The following USP43 variants were observed in gnomAD, a reference collection of about 807,000 sequenced individuals.
USP43 encodes the protein ubiquitin carboxyl-terminal hydrolase 43.
USP43 carries 33 observed loss-of-function variants against 90.7 expected under a neutral mutation model. The observed-to-expected ratio is 0.36, with a 90% CI of 0.28 to 0.49. The LOEUF (loss-of-function observed/expected upper bound fraction) is 0.49. Among genes scored for constraint, USP43 ranks in the 20% least tolerant of loss-of-function variants. The probability of loss-of-function intolerance (pLI) is 0.98; values close to 1 mark genes in which losing one functional copy is unlikely to be tolerated. For missense variants in USP43, 1,274 were observed against 1,476.4 expected, an observed-to-expected ratio of 0.86 and a Z score of 2.25; for synonymous variants, 598 against 615.8, an observed-to-expected ratio of 0.97 and a Z score of 0.43.
At chr17:9,657,116 T>C (rs985087863) in intron 2 of USP43, among the ~76,000 whole-genome samples, 1 of 152,244 alleles carries the variant, frequency 6.6e-6, no homozygotes, top group African/African-American at 2.4e-5. Context: ...TGATGGCTTA[T>C]GCTCTAATGC....
chr17:9,661,766 AC>A (rs1055894647), intron 2 of USP43, among the ~76,000 whole-genome samples: 8 of 151,090 alleles, frequency 5.3e-5, no homozygotes, highest in African/African-American at 1.9e-4. Context: ...AGCGTGAATG[AC>A]CCCCTGCTGC....
intron 14 of USP43, among the ~76,000 whole-genome samples, chr17:9,714,054 C>T (rs907872297): frequency 3.3e-5 from 5 of 152,182 alleles, no homozygotes; most frequent in African/African-American, 9.6e-5. Flanking sequence ...ACATCCCTCA[C>T]GTGCAGAGTT....
chr17:9,711,682 C>T (rs557115994), intron 13 of USP43, among the ~76,000 whole-genome samples: 28 of 152,164 alleles, frequency 1.8e-4, no homozygotes, highest in African/African-American at 2.4e-4. Context: ...CTGCTCGCCT[C>T]GGCCTCCGTA....
Position 9,728,716 on chromosome 17 carries a change from C to T in USP43, c.3098C>T (p.Ala1033Val). 1.2e-6 allele frequency: 2 copies of T among 1,602,514 alleles called. No individual in the cohort carries two copies. The highest frequency in any genetic ancestry group is 1.7e-6 in the Non-Finnish European group (2 of 1,175,088). The change falls in exon 15 of 15, where the codon GCC becomes GTC. Residue 1033 changes from alanine (A) to valine (V), a missense_variant. By Grantham distance (64) the Ala-to-Val change is moderately conservative. Around this residue, in one of 6 missense-constraint regions of USP43, gnomAD observed 353 missense variants for 329.7 expected, o/e 1.07. Coordinates refer to ENST00000285199, the MANE Select transcript of USP43 (RefSeq NM_153210.5). This position sits in a 1 kb window ranked among gnomAD's most constrained non-coding sequence, Gnocchi z 6.2. The part of the protein sequence containing the change: ...VSLVSGGLSP[A>V]MDGQAPGSPP... ...CTGGTGAGTGGCGGGCTGAGCCCTG[C>T]CATGGACGGGCAGGCTCCAGGCTCA...
intron 14 of USP43, among the ~76,000 whole-genome samples, chr17:9,715,224 G>A (rs1395126026): frequency 6.6e-6 from 1 of 152,164 alleles, no homozygotes; most frequent in Admixed American, 6.5e-5. Flanking sequence ...ATTTTGGGAG[G>A]CCAAGGTGGG....
At chr17:9,702,413 G>A (rs1915626560) in intron 12 of USP43, among the ~76,000 whole-genome samples, 1 of 152,130 alleles carries the variant, frequency 6.6e-6, no homozygotes, top group Non-Finnish European at 1.5e-5. Context: ...TATTAAATAT[G>A]GGAGGTCATT....
In USP43 at chr17:9,645,577, C is replaced by A; in HGVS notation, c.-56C>A. On this transcript the variant is annotated 5_prime_UTR_variant, in exon 1 of 15. Transcript: ENST00000285199. The surrounding 1 kb of genome is among the most constrained non-coding windows in gnomAD (Gnocchi z 6.8). ...TAGAGAAGCTGTAGGGCCTGCTGGC[C>A]GCTCGTCCGCCTCGCGCCCGGGGGC... The A allele has an allele frequency of 8.5e-7, 1 of 1,170,532 alleles. No individual in the cohort carries two copies. Among genetic ancestry groups the A allele is most frequent in the South Asian group, 4.3e-5 (1 of 23,358 alleles). The allele number at this position is 1,170,532 out of a possible 1,614,324, so 72.5% of individuals were successfully genotyped here. A position where few individuals can be genotyped will look rare whatever the true frequency, so the allele number is the denominator to read the frequency against.
chr17:9,702,204 A>T (rs1247339290), intron 12 of USP43, among the ~76,000 whole-genome samples: 1 of 151,206 alleles, frequency 6.6e-6, no homozygotes, highest in Non-Finnish European at 1.5e-5. Context: ...TCTACAAAAA[A>T]AATGAAAAAA....
At chr17:9,658,570 A>C (rs1912423581) in intron 2 of USP43, among the ~76,000 whole-genome samples, 1 of 152,208 alleles carries the variant, frequency 6.6e-6, no homozygotes, top group South Asian at 2.1e-4. Flanking sequence ...CAATCACCAC[A>C]GTAAAACCTG....
chr17:9,649,678 A>T (rs1376290717), intron 1 of USP43, among the ~76,000 whole-genome samples: 5 of 82,646 alleles, frequency 6.0e-5, no homozygotes, highest in South Asian at 7.8e-4. Context: ...TGCACATTGT[A>T]AAAAAAAAAA....
intron 14 of USP43, among the ~76,000 whole-genome samples, chr17:9,717,455 A>G (rs1179173676): frequency 6.6e-6 from 1 of 152,050 alleles, no homozygotes; most frequent in African/African-American, 2.4e-5. Flanking sequence ...ACCCAATGCA[A>G]TACAGCAGGC....
chr17:9,672,698 T>C (rs1196093695), intron 3 of USP43, among the ~76,000 whole-genome samples: 1 of 152,144 alleles, frequency 6.6e-6, no homozygotes, highest in African/African-American at 2.4e-5. Context: ...TCTGATACAA[T>C]GCTTTCAACA....
intron 3 of USP43, among the ~76,000 whole-genome samples, chr17:9,669,173 C>T (rs912175550): frequency 3.3e-5 from 5 of 151,970 alleles, no homozygotes; most frequent in East Asian, 1.9e-4. Context: ...AGGTGCCCAA[C>T]GCAGAGGGTG....
chr17:9,678,337 T>C (rs987072237), intron 5 of USP43, among the ~76,000 whole-genome samples: 2 of 152,186 alleles, frequency 1.3e-5, no homozygotes, highest in African/African-American at 4.8e-5. Flanking sequence ...CATAGATATA[T>C]GTACTTGGAT....
intron 2 of USP43, among the ~76,000 whole-genome samples, chr17:9,658,808 C>T (rs191937482): frequency 1.3e-5 from 2 of 152,344 alleles, no homozygotes; most frequent in African/African-American, 2.4e-5. Context: ...ACTCAGATCA[C>T]GTCAACAGGT....
intron 9 of USP43, 79 bp from the exon 10 acceptor site, chr17:9,700,092 TG>T: frequency 1.5e-6 from 2 of 1,328,266 alleles, no homozygotes; most frequent in Non-Finnish European, 2.1e-6. Flanking sequence ...CCTTGGGTTG[TG>T]GGGGAGACTG....
chr17:9,661,067 T>G (rs1036294956), intron 2 of USP43, among the ~76,000 whole-genome samples: 7 of 152,246 alleles, frequency 4.6e-5, no homozygotes, highest in Admixed American at 4.6e-4. Context: ...GAAAGCTATG[T>G]AGCTAGATTT....
chr17:9,677,989 G>A (rs117107960), intron 5 of USP43, among the ~76,000 whole-genome samples: 1 of 152,106 alleles, frequency 6.6e-6, no homozygotes, highest in Non-Finnish European at 1.5e-5. Context: ...AAATAGCAGG[G>A]GAAATGTGTG....
intron 8 of USP43, among the ~76,000 whole-genome samples, chr17:9,689,479 A>G (rs1914799323): frequency 6.6e-6 from 1 of 151,740 alleles, no homozygotes; most frequent in African/African-American, 2.4e-5. Flanking sequence ...TGGTGTGATC[A>G]TAGCTCACTG....
Sources: gnomAD v4.1 joint callset for allele counts (sites outside exome capture counted in the v4.1 genomes callset) on GRCh38, gnomAD v4.1.1 for gene constraint, gnomAD v4.1.1 regional missense constraint, Gnocchi (gnomAD v3.1) non-coding constraint, MANE v1.5 for transcripts, NCBI Gene and HGNC (gene_info 2026-07-23, HGNC 2026-07-21) for gene names.